SCN8A: variants seen among roughly 807,000 people sequenced by gnomAD.
SCN8A encodes sodium voltage-gated channel alpha subunit 8, also known as sodium channel protein type 8 subunit alpha.
A neutral mutation model predicts 184.1 loss-of-function variants in SCN8A; 30 were observed. The ratio of observed to expected loss-of-function variants is 0.16; its 90% CI spans 0.12 to 0.22. SCN8A has a LOEUF of 0.22. SCN8A is among the 10% of genes least tolerant of loss of function. SCN8A has a pLI of 1.00. For synonymous variants in SCN8A, 852 were observed against 907.0 expected (o/e 0.94, Z 1.09); for missense variants, 1,057 against 2,498.9 (o/e 0.42, Z 12.30).
rs1938830807 is a variant in SCN8A, at chr12:51,809,705, T to C, written c.*2276T>C. On this transcript the variant is annotated 3_prime_UTR_variant, in exon 27 of 27. Coordinates refer to ENST00000627620, the MANE Select transcript of SCN8A (RefSeq NM_001330260.2). ...TTTAAGAGAATTATAAATACTGTAA[T>C]ATATAATTTTATTTTATTGGCATGC... is the stretch of plus-strand genomic sequence containing the variant. 6.6e-6 allele frequency: 1 copy of C among 152,252 alleles called. No individual in the cohort carries two copies. Among genetic ancestry groups the C allele is most frequent in the Non-Finnish European group, 1.5e-5 (1 of 68,050 alleles). The allele number at this position is 152,252 out of a possible 1,614,324, so 9.4% of individuals were successfully genotyped here.
In SCN8A at chr12:51,786,763, A is replaced by G; in HGVS notation, c.4164A>G (p.Arg1388=). Residue 1388 remains arginine, a synonymous_variant, in exon 22 of 27, where the codon AGA becomes AGG. Transcript: ENST00000627620. The part of the protein sequence containing the change: ...KLMEGNNTEI[R]WKNVKINFDN... ...TGGAGGGGAACAATACAGAGATCAG[A>G]TGGAAGAACGTGAAGATCAACTTTG... 1.2e-6 allele frequency: 2 copies of G among 1,614,010 alleles called. No individual in the cohort carries two copies. The highest frequency in any genetic ancestry group is 1.7e-6 in the Non-Finnish European group (2 of 1,179,892).
In SCN8A at chr12:51,745,910, C is replaced by T; in HGVS notation, c.2006C>T (p.Thr669Ile). ...CTTTTTTTTTTTTTAAAGGCTACAACTGAGGTGGAAATTAAGAAGAAAGGC... is the reference window on the plus strand; with the variant it reads ...CTTTTTTTTTTTTTAAAGGCTACAATTGAGGTGGAAATTAAGAAGAAAGGC... ...IGGRLLPEAT[T>I]EVEIKKKGPG... Residue 669 changes from threonine (T) to isoleucine (I), a missense_variant, in exon 13 of 27, where the codon ACT becomes ATT. By Grantham distance (89) the Thr-to-Ile change is moderately conservative. Transcript: ENST00000627620. The T allele has an allele frequency of 6.3e-7, 1 of 1,580,990 alleles. No individual in the cohort carries two copies. Among genetic ancestry groups the T allele is most frequent in the Non-Finnish European group, 8.6e-7 (1 of 1,168,288 alleles).
intron 26 of SCN8A, among the ~76,000 whole-genome samples, chr12:51,798,829 T>C (rs1316703606): frequency 1.3e-5 from 2 of 152,216 alleles, no homozygotes; most frequent in African/African-American, 4.8e-5. Flanking sequence ...TCCACATACC[T>C]CTTCCCCAAA....
chr12:51,727,504 A>G (rs1942174371), intron 12 of SCN8A, among the ~76,000 whole-genome samples: 2 of 152,280 alleles, frequency 1.3e-5, no homozygotes, highest in South Asian at 4.2e-4. Flanking sequence ...AGTTGGAAGA[A>G]GCCCTCTTCC....
intron 1 of SCN8A, among the ~76,000 whole-genome samples, chr12:51,618,897 T>C (rs1345233042): frequency 6.6e-6 from 1 of 152,180 alleles, no homozygotes. Context: ...AATTTTTAAA[T>C]TTAAGTAAAA....
Position 51,699,788 on chromosome 12 carries a change from A to G in SCN8A, c.925A>G (p.Lys309Glu). The G allele has an allele frequency of 6.2e-7, 1 of 1,611,132 alleles. No homozygotes were observed. Among genetic ancestry groups the G allele is most frequent in the Non-Finnish European group, 8.5e-7 (1 of 1,178,258 alleles). ...GFDWEEYINNKTNFYTVPGML... is the reference protein window; with the variant it reads ...GFDWEEYINNETNFYTVPGML... ...TGATTGGGAAGAGTATATCAACAATAAAAGTAGGTGGCCTCTTCTCTGCAA... is the reference window on the plus strand; with the variant it reads ...TGATTGGGAAGAGTATATCAACAATGAAAGTAGGTGGCCTCTTCTCTGCAA... Residue 309 changes from lysine (K) to glutamate (E), a missense_variant, in exon 7 of 27, where the codon AAA becomes GAA. Physicochemically the swap from Lys to Glu is moderately conservative, Grantham distance 56. Transcript: ENST00000627620.
chr12:51,592,560 T>C (rs1939251728), intron 1 of SCN8A, among the ~76,000 whole-genome samples: 1 of 152,020 alleles, frequency 6.6e-6, no homozygotes, highest in Non-Finnish European at 1.5e-5. Context: ...GGATGTCATC[T>C]GTTTGGGGGG....
At chr12:51,726,241 A>C (rs557170346) in intron 12 of SCN8A, among the ~76,000 whole-genome samples, 6 of 152,328 alleles carry the variant, frequency 3.9e-5, no homozygotes, top group African/African-American at 1.2e-4. Context: ...TGAGCTGGGA[A>C]AGTAGGTGAG....
chr12:51,594,039 C>G (rs1214332837), intron 1 of SCN8A, among the ~76,000 whole-genome samples: 1 of 152,156 alleles, frequency 6.6e-6, no homozygotes, highest in Non-Finnish European at 1.5e-5. Context: ...GGGAAAGGCA[C>G]TTGACACAGC....
chr12:51,641,940 A>G (rs979283026), intron 1 of SCN8A, among the ~76,000 whole-genome samples: 1 of 152,250 alleles, frequency 6.6e-6, no homozygotes, highest in Admixed American at 6.5e-5. Context: ...AGAACAATGC[A>G]GATCTTTACT....
intron 11 of SCN8A, among the ~76,000 whole-genome samples, chr12:51,708,264 A>G (rs959970788): frequency 7.2e-5 from 11 of 152,240 alleles, no homozygotes; most frequent in African/African-American, 2.4e-4. Flanking sequence ...CTGGATATGT[A>G]GTATCACACT....
intron 1 of SCN8A, among the ~76,000 whole-genome samples, chr12:51,649,631 C>T (rs1940666782): frequency 6.6e-6 from 1 of 152,300 alleles, no homozygotes; most frequent in Non-Finnish European, 1.5e-5. Flanking sequence ...TACATTGGCC[C>T]CTCTCAGCCA....
At position 51,606,825 on chromosome 12, in the gene SCN8A, G is replaced by A. The variant is rs867972211; in HGVS notation, c.-55+15466G>A. On this transcript the variant is annotated intron_variant, in intron 1 of 26. Coordinates refer to ENST00000627620, the MANE Select transcript of SCN8A (RefSeq NM_001330260.2). ...ACTCCTTGGTTAGGTATATTCCTAA[G>A]TATTTTATTTTATTTTATTTTATTT... Among the ~76,000 whole-genome samples the A allele has an allele frequency of 1.4e-4, 21 of 150,026 alleles. No individual in the cohort carries two copies. The South Asian group carries it at 2.5e-3, about 18-fold the overall frequency.
At chr12:51,794,321 T>C (rs1272255772) in intron 25 of SCN8A, 50 bp from the exon 26 acceptor site, 2 of 1,563,710 alleles carry the variant, frequency 1.3e-6, no homozygotes, top group Non-Finnish European at 1.7e-6. Context: ...ATAGGTTGGC[T>C]TGGAAAGGTT....
intron 21 of SCN8A, among the ~76,000 whole-genome samples, chr12:51,785,973 G>A (rs1244006438): frequency 6.6e-6 from 1 of 152,144 alleles, no homozygotes; most frequent in Non-Finnish European, 1.5e-5. Context: ...TTGGTAGAGG[G>A]AATATAGCTT....
chr12:51,740,367 CTT>C lies in SCN8A; in HGVS notation c.1999-5533_1999-5532del, dbSNP rs558485799. ...TGTTTCTGCTATTTGTTTCAAGAAA[CTT>C]TTCAGTTTCCTTCTTAATTTCTTCA... On this transcript the variant is annotated intron_variant, in intron 12 of 26. Coordinates refer to ENST00000627620, the MANE Select transcript of SCN8A (RefSeq NM_001330260.2). Among the ~76,000 whole-genome samples, 4 of 152,340 alleles carry C rather than the reference CTT, an allele frequency of 2.6e-5. No individual in the cohort carries two copies. The East Asian group carries it at 7.7e-4, about 29-fold the overall frequency.
intron 2 of SCN8A, among the ~76,000 whole-genome samples, chr12:51,671,519 C>A (rs935038953): frequency 5.3e-5 from 8 of 152,134 alleles, no homozygotes; most frequent in Admixed American, 5.2e-4. Flanking sequence ...CTGTTGGTTT[C>A]TCCAGGGTGT....
intron 11 of SCN8A, among the ~76,000 whole-genome samples, chr12:51,709,275 G>C (rs1172979517): frequency 6.6e-6 from 1 of 152,192 alleles, no homozygotes; most frequent in East Asian, 1.9e-4. Context: ...GCTCAGGGAA[G>C]AGGTCCTGAG....
At chr12:51,778,441 C>A (rs535635093) in intron 20 of SCN8A, among the ~76,000 whole-genome samples, 1 of 152,116 alleles carries the variant, frequency 6.6e-6, no homozygotes, top group Non-Finnish European at 1.5e-5. Flanking sequence ...TGCACCACCA[C>A]GCCCAGCTAA....
Sources: gnomAD v4.1 joint callset for allele counts (sites outside exome capture counted in the v4.1 genomes callset) on GRCh38, gnomAD v4.1.1 for gene constraint, MANE v1.5 for transcripts, NCBI Gene and HGNC (gene_info 2026-07-23, HGNC 2026-07-21) for gene names.